The following LRGUK variants were observed in gnomAD, a reference collection of about 807,000 sequenced individuals.
LRGUK encodes the protein leucine rich repeats and guanylate kinase domain containing.
In LRGUK, 65 loss-of-function variants were observed where a neutral mutation model predicts 76.0. The ratio of observed to expected loss-of-function variants is 0.85; its 90% CI spans 0.70 to 1.05. The LOEUF (loss-of-function observed/expected upper bound fraction) is 1.05, where lower values mean the gene tolerates loss of function less well. Among genes scored for constraint, LRGUK ranks in the 50% least tolerant of loss-of-function variants. LRGUK has a pLI of 0.00. For synonymous variants in LRGUK, 268 were observed against 265.6 expected (o/e 1.01, Z -0.09); for missense variants, 758 against 732.8 (o/e 1.03, Z -0.40).
intron 16 of LRGUK, among the ~76,000 whole-genome samples, chr7:134,244,464 T>C (rs1224430546): frequency 6.6e-6 from 1 of 152,110 alleles, no homozygotes; most frequent in Non-Finnish European, 1.5e-5. Context: ...TGCTCATCAT[T>C]ACTGGCCATC....
chr7:134,243,738 T>C lies in LRGUK; in HGVS notation c.1984-3818T>C, dbSNP rs915706783. On this transcript the variant is annotated intron_variant, in intron 16 of 19. Transcript: ENST00000285928. ...TATGGAACCAAAAAAGAGCCCGCATTGCCAAGACAATCCTAAGCCAAAAGA... is the reference window on the plus strand; with the variant it reads ...TATGGAACCAAAAAAGAGCCCGCATCGCCAAGACAATCCTAAGCCAAAAGA... Among the ~76,000 whole-genome samples the C allele has an allele frequency of 1.4e-4, 22 of 152,000 alleles. 1 individual carries two copies. Among genetic ancestry groups the C allele is most frequent in the African/African-American group, 5.1e-4 (21 of 41,398 alleles).
intron 16 of LRGUK, among the ~76,000 whole-genome samples, chr7:134,244,570 A>T (rs1422318468): frequency 2.0e-5 from 3 of 152,176 alleles, no homozygotes; most frequent in Admixed American, 6.5e-5. Context: ...GCTGGAGAGG[A>T]TGTGGAGAAA....
At chr7:134,130,742 CCTCG>C (rs926946906) in intron 1 of LRGUK, among the ~76,000 whole-genome samples, 4 of 152,162 alleles carry the variant, frequency 2.6e-5, no homozygotes, top group African/African-American at 9.7e-5. Context: ...TTGCCTTAAA[CCTCG>C]GAAGCCCTTA....
chr7:134,251,748 T>C (rs1197102193), intron 18 of LRGUK, among the ~76,000 whole-genome samples: 1 of 152,216 alleles, frequency 6.6e-6, no homozygotes, highest in Non-Finnish European at 1.5e-5. Flanking sequence ...ATCTATCATT[T>C]GATAAAAAGC....
At chr7:134,268,746 T>TC (rs1407664748), downstream of LRGUK, among the ~76,000 whole-genome samples, 11 of 120,376 alleles carry the variant, frequency 9.1e-5, no homozygotes, top group Non-Finnish European at 1.3e-4. Flanking sequence ...TTTTTTTTTT[T>TC]TGAGACAGAG....
At chr7:134,262,970 CAAAAAAAAAA>C (rs3030443) in intron 19 of LRGUK, among the ~76,000 whole-genome samples, 1 of 89,964 alleles carries the variant, frequency 1.1e-5, no homozygotes, top group Admixed American at 1.1e-4. Flanking sequence ...GACCTGGTCT[CAAAAAAAAAA>C]AAAAAAAAAA....
intron 1 of LRGUK, among the ~76,000 whole-genome samples, chr7:134,133,781 C>A (rs969048924): frequency 1.3e-5 from 2 of 152,144 alleles, no homozygotes; most frequent in African/African-American, 4.8e-5. Flanking sequence ...CGTATGGGTC[C>A]AGGTGCGGTG....
In LRGUK at chr7:134,225,125, G is replaced by GAAAAAAAAAAAA. The variant is rs769671717; in HGVS notation, c.1983+3220_1983+3231dup. The stretch of plus-strand genomic sequence containing the variant: ...GGCTGGGGACAGGGGAACAGAACTG[G>GAAAAAAAAAAAA]AAAAAAAAAAAAAAAAAAAAAAAAC... On this transcript the variant is annotated intron_variant, in intron 16 of 19. Transcript: ENST00000285928. 6.6e-5 allele frequency among the ~76,000 whole-genome samples: 4 copies of GAAAAAAAAAAAA among 60,870 alleles called. 1 individual carries two copies. The highest frequency in any genetic ancestry group is 6.6e-4 in the South Asian group (1 of 1,522). The allele number at this position is 60,870 out of a possible 152,430, so 39.9% of individuals were successfully genotyped here.
chr7:134,240,526 A>G (rs1366499244), intron 16 of LRGUK, among the ~76,000 whole-genome samples: 1 of 152,234 alleles, frequency 6.6e-6, no homozygotes. Flanking sequence ...AGAAATGAAC[A>G]AAGCCTCCAA....
At chr7:134,246,145 C>G (rs1802295746) in intron 16 of LRGUK, among the ~76,000 whole-genome samples, 1 of 152,180 alleles carries the variant, frequency 6.6e-6, no homozygotes, top group South Asian at 2.1e-4. Context: ...TAGACTTTTT[C>G]AAGCTAGGAA....
intron 10 of LRGUK, among the ~76,000 whole-genome samples, chr7:134,181,868 T>A (rs1285028620): frequency 6.6e-6 from 1 of 152,218 alleles, no homozygotes; most frequent in Non-Finnish European, 1.5e-5. Flanking sequence ...ATGTGCTCTT[T>A]TGTCTTTAGT....
chr7:134,177,533 A>T (rs904147959), intron 9 of LRGUK, among the ~76,000 whole-genome samples: 1 of 152,100 alleles, frequency 6.6e-6, no homozygotes, highest in South Asian at 2.1e-4. Context: ...CTTTAAAAAA[A>T]TGATTCATCT....
At chr7:134,137,043 G>C (rs898305012) in exon 2 of LRGUK, 1 of 1,613,386 alleles carries the variant, frequency 6.2e-7, no homozygotes, top group Non-Finnish European at 8.5e-7. Context: ...ATGGGGTCCT[G>C]AGAGAGGAGG....
chr7:134,174,549 T>A lies in LRGUK; in HGVS notation c.940-7T>A. The stretch of plus-strand genomic sequence containing the variant: ...TCTGTTGATAATTTTTTTCTTTGAT[T>A]GAACAGATTGCTGAGCTGAGAGAAA... On this transcript the variant is annotated splice_polypyrimidine_tract_variant and splice_region_variant and intron_variant, in intron 7 of 15. Coordinates refer to ENST00000645682, the Ensembl canonical transcript of LRGUK. 6.3e-7 allele frequency: 1 copy of A among 1,577,724 alleles called. No individual in the cohort carries two copies. Among genetic ancestry groups the A allele is most frequent in the Non-Finnish European group, 8.7e-7 (1 of 1,148,568 alleles).
chr7:134,276,215 A>T, the LRGUK span, among the ~76,000 whole-genome samples: 1 of 152,344 alleles, frequency 6.6e-6, no homozygotes, highest in East Asian at 1.9e-4. Context: ...TCTTGTAATG[A>T]CATATAATGT....
intron 6 of LRGUK, among the ~76,000 whole-genome samples, chr7:134,159,980 A>G (rs1168040198): frequency 6.6e-6 from 1 of 152,258 alleles, no homozygotes; most frequent in African/African-American, 2.4e-5. Flanking sequence ...TCAATAAATT[A>G]GATTGAAAAT....
chr7:134,268,311 T>C (rs2117241909), downstream of LRGUK, among the ~76,000 whole-genome samples: 1 of 152,076 alleles, frequency 6.6e-6, no homozygotes, highest in East Asian at 1.9e-4. Context: ...TCCATAAATA[T>C]CAAAAAGATA....
At chr7:134,187,633 C>G (rs1401184848) in intron 11 of LRGUK, among the ~76,000 whole-genome samples, 1 of 152,054 alleles carries the variant, frequency 6.6e-6, no homozygotes, top group African/African-American at 2.4e-5. Flanking sequence ...CTTTCTTTAC[C>G]AGTATTAGTT....
chr7:134,265,101 A>C (rs1410113939), downstream of LRGUK, among the ~76,000 whole-genome samples: 3 of 152,152 alleles, frequency 2.0e-5, no homozygotes, highest in African/African-American at 7.2e-5. Context: ...CACGTTGGGC[A>C]AGGAAATCAG....
Sources: gnomAD v4.1 joint callset for allele counts (sites outside exome capture counted in the v4.1 genomes callset) on GRCh38, gnomAD v4.1.1 for gene constraint, MANE v1.5 for transcripts, NCBI Gene and HGNC (gene_info 2026-07-23, HGNC 2026-07-21) for gene names.